The following NCOA5 variants were observed in gnomAD, a reference collection of about 807,000 sequenced individuals.
The protein encoded by NCOA5 is nuclear receptor coactivator 5, also known as NCoA-5.
A neutral mutation model predicts 59.0 loss-of-function variants in NCOA5; 12 were observed. The observed-to-expected ratio is 0.20, with a 90% CI of 0.13 to 0.33. The LOEUF is 0.33. Among genes scored for constraint, NCOA5 ranks in the 10% least tolerant of loss-of-function variants. The pLI is 1.00. For synonymous variants in NCOA5, 270 were observed against 275.5 expected, an observed-to-expected ratio of 0.98 and a Z score of 0.20; for missense variants, 655 against 766.6, an observed-to-expected ratio of 0.85 and a Z score of 1.72.
At chr20:46,083,565 AACT>A (rs1424645989) in intron 1 of NCOA5, among the ~76,000 whole-genome samples, 1 of 152,220 alleles carries the variant, frequency 6.6e-6, no homozygotes, top group East Asian at 1.9e-4. Flanking sequence ...CAGCCACATG[AACT>A]ACAACACTTA....
intron 6 of NCOA5, among the ~76,000 whole-genome samples, chr20:46,064,393 C>T (rs1004499701): frequency 2.6e-5 from 4 of 152,176 alleles, no homozygotes; most frequent in South Asian, 2.1e-4. Flanking sequence ...TATCAGCTGG[C>T]GGACTCTTAA....
At position 46,065,244 on chromosome 20, in the gene NCOA5, A is replaced by C; in HGVS notation, c.630-16T>G. On this transcript the variant is annotated splice_polypyrimidine_tract_variant and intron_variant, in intron 5 of 7. Transcript: ENST00000290231. ...AGCATAGTCTCTGTAAAAATAAATAAGATCCAGGTGAGCGACCAACTCCAA... is the reference window on the plus strand; with the variant it reads ...AGCATAGTCTCTGTAAAAATAAATACGATCCAGGTGAGCGACCAACTCCAA... 1.9e-6 allele frequency: 3 copies of C among 1,613,946 alleles called. No individual in the cohort carries two copies. The highest frequency in any genetic ancestry group is 2.5e-6 in the Non-Finnish European group (3 of 1,179,842).
intron 4 of NCOA5, among the ~76,000 whole-genome samples, chr20:46,067,402 G>C (rs2084836079): frequency 6.6e-6 from 1 of 152,180 alleles, no homozygotes; most frequent in Admixed American, 6.5e-5. Flanking sequence ...TTACTGCCAA[G>C]CTGCTCCCTG....
At chr20:46,071,958 G>C (rs1489987323) in intron 2 of NCOA5, among the ~76,000 whole-genome samples, 4 of 152,110 alleles carry the variant, frequency 2.6e-5, no homozygotes, top group Non-Finnish European at 4.4e-5. Context: ...AACCTGCCCT[G>C]AACTCTTGAT....
chr20:46,062,887 G>C lies in NCOA5; in HGVS notation c.1153C>G (p.Pro385Ala). 1 of 1,514,108 alleles carries C rather than the reference G, an allele frequency of 6.6e-7. No homozygotes were observed. Among genetic ancestry groups the C allele is most frequent in the Non-Finnish European group, 8.8e-7 (1 of 1,133,214 alleles). 93.8% of individuals were successfully genotyped at this position (1,514,108 alleles called of 1,614,324 possible). ...MRSSTDSLPG[P>A]ISRQPLGATS... Reference sequence around the variant, plus strand: ...GCCCCGAGTGGTTGGCGGGAAATCGGGCCTGGAAGACAGAAGAGGGAGGTA... The same window carrying C: ...GCCCCGAGTGGTTGGCGGGAAATCGCGCCTGGAAGACAGAAGAGGGAGGTA... Residue 385 changes from proline (P) to alanine (A), a missense_variant and splice_region_variant, in exon 8 of 8, where the codon CCG (proline) becomes GCG (alanine). Pro to Ala is a conservative substitution (Grantham distance 27, BLOSUM62 -1). Around this residue, in one of 3 missense-constraint regions of NCOA5, gnomAD observed 325 missense variants for 353.2 expected, o/e 0.92. Transcript: ENST00000290231.
intron 3 of NCOA5, among the ~76,000 whole-genome samples, 154 bp from the exon 4 acceptor site, chr20:46,068,792 T>G (rs3092502): frequency 0.65 from 98,188 of 152,060 alleles, 33,496 homozygotes; most frequent in African/African-American, 0.88. Context: ...CCTGTCTCAC[T>G]GAGATGATGT....
chr20:46,086,883 T>C (rs2085051028), intron 1 of NCOA5, among the ~76,000 whole-genome samples: 1 of 152,220 alleles, frequency 6.6e-6, no homozygotes, highest in Non-Finnish European at 1.5e-5. Context: ...GATATTGACA[T>C]TGCACATATT....
intron 1 of NCOA5, among the ~76,000 whole-genome samples, chr20:46,080,797 C>T (rs1404030452): frequency 6.6e-6 from 1 of 151,912 alleles, no homozygotes; most frequent in Non-Finnish European, 1.5e-5. Context: ...AGATATAATC[C>T]TTCTATTTTA....
rs987541638 is a variant in NCOA5, at chr20:46,067,185, C to T, written c.503-4G>A. The T allele has an allele frequency of 6.2e-7, 1 of 1,611,472 alleles. No homozygotes were observed. Reference sequence around the variant, plus strand: ...CGTTCCTCACGTTTCAAACGCTCTGCAAAACACCACCAGGGTAAACTGAAA... The same window carrying T: ...CGTTCCTCACGTTTCAAACGCTCTGTAAAACACCACCAGGGTAAACTGAAA... On this transcript the variant is annotated splice_region_variant and splice_polypyrimidine_tract_variant and intron_variant, in intron 4 of 7. Coordinates refer to ENST00000290231, the MANE Select transcript of NCOA5 (RefSeq NM_020967.3).
intron 6 of NCOA5, 27 bp downstream of exon 6, chr20:46,065,002 A>T (rs754305901): frequency 1.2e-6 from 2 of 1,612,418 alleles, no homozygotes; most frequent in South Asian, 2.2e-5. Context: ...TGGACTAGTG[A>T]CTACCTCCGG....
chr20:46,075,253 A>G (rs2084924717), intron 2 of NCOA5, among the ~76,000 whole-genome samples: 1 of 152,216 alleles, frequency 6.6e-6, no homozygotes, highest in Admixed American at 6.5e-5. Context: ...CTTCTCCAGC[A>G]CAAACAGAAC....
chr20:46,062,077 C>CAAAACAA lies in NCOA5; in HGVS notation c.*216_*222dup. 2.2e-6 allele frequency: 1 copy of CAAAACAA among 454,662 alleles called. No individual in the cohort carries two copies. Among genetic ancestry groups the CAAAACAA allele is most frequent in the Non-Finnish European group, 3.9e-6 (1 of 257,506 alleles). The allele number at this position is 454,662 out of a possible 1,614,324, so 28.2% of individuals were successfully genotyped here. On this transcript the variant is annotated 3_prime_UTR_variant, in exon 8 of 8. Transcript: ENST00000290231. ...TGCCCCCGGAGATATTTATTTTCTACAAAACAAAAAACAAAAAAAGATACA... is the reference window on the plus strand; with the variant it reads ...TGCCCCCGGAGATATTTATTTTCTACAAAACAAAAAACAAAAAACAAAAAAAGATACA...
At chr20:46,068,729 G>A in intron 3 of NCOA5, 91 bp from the exon 4 acceptor site, 1 of 1,278,120 alleles carries the variant, frequency 7.8e-7, no homozygotes, top group Non-Finnish European at 1.1e-6. Flanking sequence ...GACAAATGAG[G>A]TTTATATCTG....
intron 1 of NCOA5, among the ~76,000 whole-genome samples, chr20:46,084,152 T>C (rs2085022848): frequency 6.6e-6 from 1 of 152,230 alleles, no homozygotes; most frequent in Non-Finnish European, 1.5e-5. Context: ...TTCAATCCTT[T>C]TACAACTCTT....
chr20:46,088,593 C>G (rs61060781), intron 1 of NCOA5, among the ~76,000 whole-genome samples: 2 of 152,332 alleles, frequency 1.3e-5, no homozygotes, highest in Non-Finnish European at 2.9e-5. Flanking sequence ...CAGGGGGCTA[C>G]GACATCACAA....
intron 3 of NCOA5, 114 bp from the exon 4 acceptor site, chr20:46,068,752 T>C: frequency 1.1e-6 from 1 of 941,990 alleles, no homozygotes; most frequent in Non-Finnish European, 1.6e-6. Context: ...ACTCACTGCA[T>C]TATCAGCTCT....
At chr20:46,065,342 C>G in intron 5 of NCOA5, 114 bp from the exon 6 acceptor site, 1 of 954,974 alleles carries the variant, frequency 1.0e-6, no homozygotes, top group East Asian at 2.5e-5. Context: ...ACCCCAGTAC[C>G]GTATTCAGGA....
intron 3 of NCOA5, among the ~76,000 whole-genome samples, chr20:46,069,805 A>G (rs1002062321): frequency 2.0e-5 from 3 of 152,108 alleles, no homozygotes; most frequent in Non-Finnish European, 4.4e-5. Flanking sequence ...TATTGTGAAT[A>G]GTACTGCTAT....
chr20:46,070,641 A>T, intron 2 of NCOA5, 105 bp from the exon 3 acceptor site: 3 of 1,069,876 alleles, frequency 2.8e-6, no homozygotes, highest in Non-Finnish European at 2.7e-6. Context: ...TCTTCTCTAA[A>T]ACAGGGCAGC....
Sources: gnomAD v4.1 joint callset for allele counts (sites outside exome capture counted in the v4.1 genomes callset) on GRCh38, gnomAD v4.1.1 for gene constraint, gnomAD v4.1.1 regional missense constraint, MANE v1.5 for transcripts, NCBI Gene and HGNC (gene_info 2026-07-23, HGNC 2026-07-21) for gene names.